The following FAM133B variants were observed in gnomAD, a reference collection of about 807,000 sequenced individuals.
The protein encoded by FAM133B is family with sequence similarity 133 member B.
Under a neutral mutation model 46.4 loss-of-function variants are expected in FAM133B, and 25 were observed. That is an observed-to-expected ratio of 0.54 (90% confidence interval 0.39 to 0.75). The LOEUF (loss-of-function observed/expected upper bound fraction) is 0.75, where lower values mean the gene tolerates loss of function less well. Ranked by LOEUF, FAM133B falls within the 30% of genes least tolerant of loss-of-function variation. The pLI is 0.00. For synonymous variants in FAM133B, 75 were observed against 86.0 expected, an observed-to-expected ratio of 0.87 and a Z score of 0.71; for missense variants, 205 against 277.6, an observed-to-expected ratio of 0.74 and a Z score of 1.86.
At position 92,562,336 on chromosome 7, in the gene FAM133B, T is replaced by C; in HGVS notation, c.690A>G (p.Lys230=). 1.3e-6 allele frequency: 2 copies of C among 1,534,298 alleles called. No homozygotes were observed. Among genetic ancestry groups the C allele is most frequent in the Non-Finnish European group, 1.7e-6 (2 of 1,145,638 alleles). Residue 230 remains lysine (K), a synonymous_variant, in exon 11 of 11, where the codon AAA becomes AAG. Transcript: ENST00000445716. Reference sequence around the variant, plus strand: ...CCTTCTTTTTCTTCTTCTTACTGTGTTTCTTATGCTTCTTTTTCTTTTTTG... The same window carrying C: ...CCTTCTTTTTCTTCTTCTTACTGTGCTTCTTATGCTTCTTTTTCTTTTTTG... ...EKTKKKKKHK[K]HSKKKKKKAA...
chr7:92,573,671 T>C (rs914367843), intron 8 of FAM133B, among the ~76,000 whole-genome samples: 1 of 151,880 alleles, frequency 6.6e-6, no homozygotes, highest in African/African-American at 2.4e-5. Context: ...TTTTTTTTTT[T>C]AAATATGAGG....
chr7:92,580,310 A>C (rs543614564), intron 2 of FAM133B, among the ~76,000 whole-genome samples: 10 of 151,618 alleles, frequency 6.6e-5, no homozygotes, highest in Non-Finnish European at 1.5e-4. Context: ...GCCCAGGCTG[A>C]TCTCAAACTC....
intron 10 of FAM133B, among the ~76,000 whole-genome samples, chr7:92,565,214 G>A (rs1312484275): frequency 2.7e-5 from 4 of 149,774 alleles, no homozygotes; most frequent in South Asian, 2.1e-4. Flanking sequence ...GCAGTGGGGC[G>A]ATCTCAGCTC....
intron 6 of FAM133B, 79 bp downstream of exon 6, chr7:92,577,576 A>G: frequency 1.7e-6 from 2 of 1,209,332 alleles, no homozygotes; most frequent in East Asian, 2.7e-5. Flanking sequence ...TTTCTAACAG[A>G]TATTTCACAA....
chr7:92,562,507 G>T, intron 10 of FAM133B, 139 bp from the exon 11 acceptor site: 2 of 1,237,044 alleles, frequency 1.6e-6, no homozygotes, highest in Non-Finnish European at 2.1e-6. Context: ...TCCTCAAAAA[G>T]TCTCAACAAC....
intron 1 of FAM133B, among the ~76,000 whole-genome samples, chr7:92,585,932 C>T (rs1795025000): frequency 6.6e-6 from 1 of 152,162 alleles, no homozygotes; most frequent in Non-Finnish European, 1.5e-5. Flanking sequence ...TAAAAATTCA[C>T]AGATAATGCA....
At chr7:92,565,135 T>C (rs971535218) in intron 10 of FAM133B, among the ~76,000 whole-genome samples, 2 of 150,938 alleles carry the variant, frequency 1.3e-5, no homozygotes, top group Non-Finnish European at 2.9e-5. Context: ...AAACAGAAAT[T>C]TGAGCTTATA....
chr7:92,587,881 T>C (rs1795082028), intron 1 of FAM133B, among the ~76,000 whole-genome samples: 4 of 152,146 alleles, frequency 2.6e-5, no homozygotes, highest in Non-Finnish European at 4.4e-5. Flanking sequence ...GTGAAGGATG[T>C]TCATAATGGG....
rs377303015 is a variant in FAM133B, at chr7:92,574,761, C to T, written c.516+1010G>A. Among the ~76,000 whole-genome samples the T allele has an allele frequency of 2.5e-4, 38 of 151,636 alleles. No homozygotes were observed. In the South Asian group the frequency reaches 6.9e-3, roughly 28 times the overall value. On this transcript the variant is annotated intron_variant, in intron 8 of 10. Coordinates refer to ENST00000445716, the MANE Select transcript of FAM133B (RefSeq NM_152789.4). Reference sequence around the variant, plus strand: ...TCTACTAAAAATACAAAAAATTAGCCGGGCGCGGTGGCGGGCGCCTGTAGT... The same window carrying T: ...TCTACTAAAAATACAAAAAATTAGCTGGGCGCGGTGGCGGGCGCCTGTAGT...
At chr7:92,588,185 G>A (rs748359536) in intron 1 of FAM133B, among the ~76,000 whole-genome samples, 1 of 152,162 alleles carries the variant, frequency 6.6e-6, no homozygotes, top group Non-Finnish European at 1.5e-5. Context: ...AATACTCTGT[G>A]CCATAGCTGC....
At position 92,560,941 on chromosome 7, in the gene FAM133B, G is replaced by A. The variant is rs1408057619; in HGVS notation, c.*1341C>T. The A allele has an allele frequency of 1.3e-5, 2 of 152,566 alleles. No homozygotes were observed. The highest frequency in any genetic ancestry group is 4.8e-5 in the African/African-American group (2 of 41,420). 9.5% of individuals were successfully genotyped at this position (152,566 alleles called of 1,614,324 possible). On this transcript the variant is annotated 3_prime_UTR_variant, in exon 11 of 11. Transcript: ENST00000445716. ...ACCTGATTATATAAAAATGTAAAAT[G>A]AAAATGAATTATCAATTCCTTTTAA...
chr7:92,579,351 T>C lies in FAM133B; in HGVS notation c.167A>G (p.Lys56Arg). 4 of 1,610,260 alleles carry C rather than the reference T, an allele frequency of 2.5e-6. No homozygotes were observed. The highest frequency in any genetic ancestry group is 3.4e-6 in the Non-Finnish European group (4 of 1,179,018). ...EQLEKKKKGSKALAEFEEKMN... is the reference protein window; with the variant it reads ...EQLEKKKKGSRALAEFEEKMN... ...TTTTTCTTCAAATTCAGCCAAAGCCTTGGAGCCTTTCTTTTTCTTTTCTAG... is the reference window on the plus strand; with the variant it reads ...TTTTTCTTCAAATTCAGCCAAAGCCCTGGAGCCTTTCTTTTTCTTTTCTAG... The change falls in exon 3 of 11, where the codon AAG (lysine) becomes AGG (arginine). Residue 56 changes from lysine to arginine, a missense_variant. Lys to Arg is a conservative substitution (Grantham distance 26, BLOSUM62 2). Transcript: ENST00000445716.
chr7:92,562,489 C>A, intron 10 of FAM133B, 121 bp from the exon 11 acceptor site: 1 of 1,327,804 alleles, frequency 7.5e-7, no homozygotes, highest in Non-Finnish European at 9.9e-7. Context: ...GAAAACTACT[C>A]AAAACATTCC....
At chr7:92,563,923 C>T (rs1267233388) in intron 10 of FAM133B, among the ~76,000 whole-genome samples, 1 of 152,206 alleles carries the variant, frequency 6.6e-6, no homozygotes, top group Admixed American at 6.5e-5. Context: ...GCTGTACAAA[C>T]ATCATTCCTC....
chr7:92,578,211 A>G (rs1389098157), intron 4 of FAM133B, 29 bp from the exon 5 acceptor site: 2 of 1,611,462 alleles, frequency 1.2e-6, no homozygotes, highest in African/African-American at 2.7e-5. Context: ...ACAAGTCTAA[A>G]TAAGCTGATG....
chr7:92,585,395 A>C, intron 1 of FAM133B: 1 of 979,966 alleles, frequency 1.0e-6, no homozygotes, highest in Non-Finnish European at 1.2e-6. Context: ...TTTTGGCAGT[A>C]CCTAATGGCA....
chr7:92,578,919 T>G (rs1794782420), intron 3 of FAM133B, among the ~76,000 whole-genome samples: 1 of 152,056 alleles, frequency 6.6e-6, no homozygotes, highest in Non-Finnish European at 1.5e-5. Context: ...CATAGTGGCC[T>G]GCAACTGTGG....
intron 8 of FAM133B, among the ~76,000 whole-genome samples, chr7:92,572,577 G>A (rs2116392768): frequency 6.6e-6 from 1 of 152,280 alleles, no homozygotes; most frequent in South Asian, 2.1e-4. Flanking sequence ...AAAGTAGCTG[G>A]GCGTGGTGGC....
chr7:92,577,010 G>A (rs970895752), intron 7 of FAM133B, 93 bp downstream of exon 7: 2 of 665,422 alleles, frequency 3.0e-6, no homozygotes, highest in Non-Finnish European at 4.6e-6. Flanking sequence ...ACAAATATCA[G>A]ACTATCTTAT....
Sources: gnomAD v4.1 joint callset for allele counts (sites outside exome capture counted in the v4.1 genomes callset) on GRCh38, gnomAD v4.1.1 for gene constraint, MANE v1.5 for transcripts, NCBI Gene and HGNC (gene_info 2026-07-23, HGNC 2026-07-21) for gene names.